The following CDKAL1 variants were observed in gnomAD, a reference collection of about 807,000 sequenced individuals.
The protein encoded by CDKAL1 is threonylcarbamoyladenosine tRNA methylthiotransferase.
CDKAL1 carries 32 observed loss-of-function variants against 68.2 expected under a neutral mutation model. The ratio of observed to expected loss-of-function variants is 0.47; its 90% CI spans 0.35 to 0.63. The LOEUF (loss-of-function observed/expected upper bound fraction) is 0.63. Among genes scored for constraint, CDKAL1 ranks in the 30% least tolerant of loss-of-function variants. The pLI is 0.00. For missense variants in CDKAL1, 606 were observed against 696.7 expected, an observed-to-expected ratio of 0.87 and a Z score of 1.47; for synonymous variants, 234 against 244.3, an observed-to-expected ratio of 0.96 and a Z score of 0.39.
chr6:20,980,192 G>C (rs1001973452), intron 10 of CDKAL1, among the ~76,000 whole-genome samples: 1 of 148,988 alleles, frequency 6.7e-6, no homozygotes, highest in Non-Finnish European at 1.5e-5. Context: ...TCCAAAGATA[G>C]ATAGATATAG....
intron 12 of CDKAL1, among the ~76,000 whole-genome samples, chr6:21,067,892 T>C (rs1402516938): frequency 6.6e-6 from 1 of 152,252 alleles, no homozygotes; most frequent in African/African-American, 2.4e-5. Flanking sequence ...TTCTTAATGT[T>C]AGCCATTCTG....
At chr6:21,080,203 ATTG>A (rs1161389803) in intron 12 of CDKAL1, among the ~76,000 whole-genome samples, 3 of 152,216 alleles carry the variant, frequency 2.0e-5, no homozygotes, top group East Asian at 1.9e-4. Flanking sequence ...AATAACAAAA[ATTG>A]TTGTTAAGCC....
chr6:21,222,364 T>C (rs899095677), intron 15 of CDKAL1, among the ~76,000 whole-genome samples: 1 of 152,208 alleles, frequency 6.6e-6, no homozygotes, highest in Admixed American at 6.5e-5. Context: ...CTGACAGTAT[T>C]GCGCTCTAAT....
At chr6:20,835,841 C>T (rs750199692) in intron 8 of CDKAL1, among the ~76,000 whole-genome samples, 7 of 152,116 alleles carry the variant, frequency 4.6e-5, no homozygotes, top group African/African-American at 1.2e-4. Flanking sequence ...TGAGTCACTG[C>T]GCCTGGCCTG....
intron 9 of CDKAL1, among the ~76,000 whole-genome samples, chr6:20,847,634 C>A (rs980529824): frequency 6.6e-6 from 1 of 152,124 alleles, no homozygotes; most frequent in African/African-American, 2.4e-5. Context: ...AAGTGAAAAT[C>A]TCCTCTTCAC....
chr6:20,939,803 A>G (rs559721456), intron 9 of CDKAL1, among the ~76,000 whole-genome samples: 1 of 152,322 alleles, frequency 6.6e-6, no homozygotes, highest in East Asian at 1.9e-4. Flanking sequence ...AAACAAGAAA[A>G]GTTGTATAGA....
intron 11 of CDKAL1, among the ~76,000 whole-genome samples, chr6:21,027,380 C>T (rs535956067): frequency 9.9e-5 from 15 of 152,212 alleles, no homozygotes; most frequent in Non-Finnish European, 1.8e-4. Context: ...CAGTTATATA[C>T]TGGCCATTGT....
chr6:20,686,329 G>A (rs931976540), intron 5 of CDKAL1, among the ~76,000 whole-genome samples: 4 of 152,106 alleles, frequency 2.6e-5, no homozygotes, highest in African/African-American at 9.7e-5. Flanking sequence ...CTTCATCTGT[G>A]TTTACAGCTG....
At chr6:21,094,399 A>G (rs577144584) in intron 12 of CDKAL1, among the ~76,000 whole-genome samples, 1 of 152,366 alleles carries the variant, frequency 6.6e-6, no homozygotes, top group Admixed American at 6.5e-5. Flanking sequence ...TTCTTAGATC[A>G]TATACATGGA....
chr6:20,570,340 G>T (rs1764648424), intron 4 of CDKAL1, among the ~76,000 whole-genome samples: 1 of 151,972 alleles, frequency 6.6e-6, no homozygotes, highest in African/African-American at 2.4e-5. Flanking sequence ...TTGACCCCAT[G>T]ATCCATCCAC....
intron 11 of CDKAL1, among the ~76,000 whole-genome samples, chr6:21,044,909 G>A (rs912683737): frequency 6.6e-6 from 1 of 152,196 alleles, no homozygotes; most frequent in African/African-American, 2.4e-5. Flanking sequence ...CAAGGCACCA[G>A]CAGGTTCAGT....
At chr6:20,674,922 AG>A (rs1480537909) in intron 5 of CDKAL1, among the ~76,000 whole-genome samples, 2 of 152,170 alleles carry the variant, frequency 1.3e-5, no homozygotes, top group African/African-American at 2.4e-5. Flanking sequence ...GAGTTTTATC[AG>A]GTGTGAGTGG....
intron 15 of CDKAL1, among the ~76,000 whole-genome samples, chr6:21,205,766 C>T (rs1233274679): frequency 1.1e-4 from 16 of 148,332 alleles, no homozygotes; most frequent in African/African-American, 2.3e-4. Flanking sequence ...CTCCTGACCT[C>T]GTGATCTGCC....
chr6:20,802,006 A>G (rs989715700), intron 8 of CDKAL1, among the ~76,000 whole-genome samples: 7 of 152,266 alleles, frequency 4.6e-5, no homozygotes, highest in Admixed American at 1.3e-4. Flanking sequence ...TTTAAAAAAT[A>G]TGAATGACGG....
intron 9 of CDKAL1, among the ~76,000 whole-genome samples, chr6:20,930,300 A>T (rs1054539089): frequency 4.7e-4 from 71 of 151,184 alleles, no homozygotes; most frequent in African/African-American, 6.6e-4. Flanking sequence ...TATAAAAAGT[A>T]TTTTTTTTTC....
chr6:21,138,221 G>A (rs2151030137), intron 13 of CDKAL1, among the ~76,000 whole-genome samples: 3 of 48,532 alleles, frequency 6.2e-5, no homozygotes, highest in East Asian at 5.0e-3. Flanking sequence ...ACATTTGTGT[G>A]TGTGTATGTG....
At chr6:21,096,733 CCCTT>C (rs1773338485) in intron 12 of CDKAL1, among the ~76,000 whole-genome samples, 1 of 152,094 alleles carries the variant, frequency 6.6e-6, no homozygotes, top group Non-Finnish European at 1.5e-5. Context: ...CTTGCTGTCA[CCCTT>C]CCTAATTTTA....
intron 8 of CDKAL1, among the ~76,000 whole-genome samples, chr6:20,827,160 C>T (rs1777535710): frequency 6.6e-6 from 1 of 152,152 alleles, no homozygotes; most frequent in Admixed American, 6.5e-5. Flanking sequence ...TGGTTAAGAG[C>T]ATAGATGTTG....
intron 12 of CDKAL1, among the ~76,000 whole-genome samples, chr6:21,074,513 AATT>A (rs1771961024): frequency 6.6e-6 from 1 of 152,170 alleles, no homozygotes. Context: ...ACATCCCTGT[AATT>A]ATGCTCTAGG....
Sources: allele counts gnomAD v4.1 joint callset (sites outside exome capture counted in the v4.1 genomes callset), GRCh38; gene constraint gnomAD v4.1.1; transcripts MANE v1.5; gene names NCBI Gene and HGNC (gene_info 2026-07-23, HGNC 2026-07-21).